The following PTPRM variants were observed in gnomAD, a reference collection of about 807,000 sequenced individuals.
PTPRM encodes the protein receptor-type tyrosine-protein phosphatase mu.
A neutral mutation model predicts 186.7 loss-of-function variants in PTPRM; 47 were observed. That is an observed-to-expected ratio of 0.25 (90% CI 0.20 to 0.32). PTPRM has a LOEUF of 0.32. Among genes scored for constraint, PTPRM ranks in the 10% least tolerant of loss-of-function variants. The pLI is 1.00. For synonymous variants in PTPRM, 668 were observed against 674.9 expected, an observed-to-expected ratio of 0.99 and a Z score of 0.16; for missense variants, 1,494 against 1,865.0, an observed-to-expected ratio of 0.80 and a Z score of 3.66.
chr18:8,290,501 T>C (rs941716480), intron 19 of PTPRM, among the ~76,000 whole-genome samples: 17 of 152,090 alleles, frequency 1.1e-4, no homozygotes, highest in Admixed American at 2.0e-4. Flanking sequence ...TATAATTATA[T>C]CCTGTGGAAA....
intron 1 of PTPRM, among the ~76,000 whole-genome samples, chr18:7,680,091 C>T (rs1333137713): frequency 2.6e-5 from 4 of 152,150 alleles, no homozygotes; most frequent in African/African-American, 2.4e-5. Context: ...GTCTTGAACT[C>T]CTGGACTCAA....
In PTPRM at chr18:8,212,767, C is replaced by A. The variant is rs185095313; in HGVS notation, c.2301-31291C>A. On this transcript the variant is annotated intron_variant, in intron 14 of 32. Transcript: ENST00000580170. ...GGCTTCAGTGAGCTATGACTGACCTCTGCGCTCTAGCCTGGGTGACAGAGT... is the reference window on the plus strand; with the variant it reads ...GGCTTCAGTGAGCTATGACTGACCTATGCGCTCTAGCCTGGGTGACAGAGT... Among the ~76,000 whole-genome samples, 12 of 152,310 alleles carry A rather than the reference C, an allele frequency of 7.9e-5. No individual in the cohort carries two copies. The East Asian group carries it at 2.3e-3, about 29-fold the overall frequency.
chr18:7,949,121 CTG>C, intron 5 of PTPRM, 58 bp from the exon 6 acceptor site: 3 of 1,441,340 alleles, frequency 2.1e-6, no homozygotes, highest in Non-Finnish European at 2.9e-6. Context: ...GGGTGTCTGA[CTG>C]TTTTGCTCTG....
At position 7,940,374 on chromosome 18, in the gene PTPRM, G is replaced by A. The variant is rs150112357; in HGVS notation, c.664-8807G>A. 3.9e-3 allele frequency among the ~76,000 whole-genome samples: 594 copies of A among 152,294 alleles called. 2 individuals are homozygous for A. Among genetic ancestry groups the A allele is most frequent in the Middle Eastern group, 0.014 (4 of 294 alleles). ...AGAGAATTATGCAGCATGTTAGGAA[G>A]GGGTCAGTGGCACTCATAAAGGAAC... On this transcript the variant is annotated intron_variant, in intron 5 of 32. Transcript: ENST00000580170.
chr18:8,041,756 C>A (rs1353843332), intron 7 of PTPRM, among the ~76,000 whole-genome samples: 2 of 152,190 alleles, frequency 1.3e-5, no homozygotes, highest in African/African-American at 4.8e-5. Flanking sequence ...GGCAAACTGT[C>A]ACTGCCACAA....
In PTPRM at chr18:7,926,593, T is replaced by C. The variant is rs1415281142; in HGVS notation, c.573T>C (p.Ile191=). Residue 191 remains isoleucine (I), a synonymous_variant, in exon 5 of 33, where the codon ATT becomes ATC. Coordinates refer to ENST00000580170, the MANE Select transcript of PTPRM (RefSeq NM_001105244.2). ...PCTRTPHFLR[I]QNVEVNAGQF... is the part of the protein sequence containing the mutation. ...CCAGGACTCCTCACTTCCTGCGGATTCAGAATGTGGAAGTTAATGCTGGCC... is the reference window on the plus strand; with the variant it reads ...CCAGGACTCCTCACTTCCTGCGGATCCAGAATGTGGAAGTTAATGCTGGCC... 6.2e-7 allele frequency: 1 copy of C among 1,613,428 alleles called. No individual in the cohort carries two copies. Among genetic ancestry groups the C allele is most frequent in the Admixed American group, 1.7e-5 (1 of 59,636 alleles).
intron 7 of PTPRM, among the ~76,000 whole-genome samples, chr18:7,988,965 A>G (rs2083117290): frequency 6.6e-6 from 1 of 152,206 alleles, no homozygotes; most frequent in African/African-American, 2.4e-5. Context: ...AGTTCAACAT[A>G]AGAATGGGGA....
At chr18:7,753,062 T>C (rs1222459884) in intron 1 of PTPRM, among the ~76,000 whole-genome samples, 1 of 152,142 alleles carries the variant, frequency 6.6e-6, no homozygotes, top group African/African-American at 2.4e-5. Context: ...TTTGGTTTAG[T>C]AGAGAACCAA....
intron 1 of PTPRM, among the ~76,000 whole-genome samples, chr18:7,686,612 C>T (rs2144612723): frequency 6.6e-6 from 1 of 150,574 alleles, no homozygotes; most frequent in African/African-American, 2.4e-5. Flanking sequence ...AGCCAAAAAT[C>T]ATTGTCTGTT....
intron 13 of PTPRM, among the ~76,000 whole-genome samples, chr18:8,136,776 T>A (rs1490230836): frequency 1.4e-4 from 16 of 114,596 alleles, no homozygotes; most frequent in Non-Finnish European, 1.9e-5. Context: ...ATGTATAATG[T>A]GAAGAAGGAA....
At chr18:8,383,296 C>CAAAAAAAAAAAAAAAAAA in intron 29 of PTPRM, among the ~76,000 whole-genome samples, 1 of 30,430 alleles carries the variant, frequency 3.3e-5, no homozygotes, top group Non-Finnish European at 5.5e-5. Flanking sequence ...GCTTCTGCCT[C>CAAAAAAAAAAAAAAAAAA]AAAAAAAAAA....
chr18:7,673,170 A>C (rs1453556201), intron 1 of PTPRM, among the ~76,000 whole-genome samples: 1 of 152,180 alleles, frequency 6.6e-6, no homozygotes, highest in Non-Finnish European at 1.5e-5. Context: ...CTTCCTATGA[A>C]CTGACAGGTT....
chr18:8,297,281 C>T (rs532987757), intron 20 of PTPRM, among the ~76,000 whole-genome samples: 3 of 152,328 alleles, frequency 2.0e-5, no homozygotes, highest in Admixed American at 6.5e-5. Flanking sequence ...GAGAACATCT[C>T]GCTCCTCGTG....
At chr18:8,401,312 G>A (rs1004565091) in intron 32 of PTPRM, among the ~76,000 whole-genome samples, 1 of 152,204 alleles carries the variant, frequency 6.6e-6, no homozygotes, top group African/African-American at 2.4e-5. Context: ...AGGTATTAAA[G>A]ATAGAGATTA....
At chr18:7,606,625 T>TGATGGTGACTTACAGGTCCTGCTTA (rs2037537091) in intron 1 of PTPRM, among the ~76,000 whole-genome samples, 1 of 152,134 alleles carries the variant, frequency 6.6e-6, no homozygotes, top group Non-Finnish European at 1.5e-5. Flanking sequence ...AGATAGAGCG[T>TGATGGTGACTTACAGGTCCTGCTTA]GATGGTGACT....
chr18:7,606,991 T>C (rs1301452593), intron 1 of PTPRM, among the ~76,000 whole-genome samples: 14 of 152,042 alleles, frequency 9.2e-5, no homozygotes, highest in Admixed American at 9.2e-4. Flanking sequence ...TCCCAGAATT[T>C]TACTTGTAAC....
At chr18:7,591,194 C>T (rs147893401) in intron 1 of PTPRM, among the ~76,000 whole-genome samples, 106 of 152,278 alleles carry the variant, frequency 7.0e-4, no homozygotes, top group Middle Eastern at 6.8e-3. Context: ...CAGATTGTAT[C>T]CTTAGCTAGT....
chr18:8,242,447 C>T (rs1349085872), intron 14 of PTPRM, among the ~76,000 whole-genome samples: 1 of 152,100 alleles, frequency 6.6e-6, no homozygotes, highest in Non-Finnish European at 1.5e-5. Flanking sequence ...TGAGAACACC[C>T]AGGCTCAACT....
intron 14 of PTPRM, among the ~76,000 whole-genome samples, chr18:8,211,946 G>A (rs12966642): frequency 6.6e-6 from 1 of 151,898 alleles, no homozygotes; most frequent in African/African-American, 2.4e-5. Flanking sequence ...GAGTGGACTC[G>A]GTGCAGGGCT....
Sources: gnomAD v4.1 joint callset for allele counts (sites outside exome capture counted in the v4.1 genomes callset) on GRCh38, gnomAD v4.1.1 for gene constraint, MANE v1.5 for transcripts, NCBI Gene and HGNC (gene_info 2026-07-23, HGNC 2026-07-21) for gene names.